The following RALYL variants were observed in gnomAD, a reference collection of about 807,000 sequenced individuals.
RALYL encodes RALY RNA binding protein like, also known as RNA-binding Raly-like protein.
RALYL carries 29 observed loss-of-function variants against 35.1 expected under a neutral mutation model. The observed-to-expected ratio is 0.83, with a 90% confidence interval of 0.61 to 1.13. The LOEUF (loss-of-function observed/expected upper bound fraction) is 1.13, where lower values mean the gene tolerates loss of function less well. Ranked by LOEUF, RALYL falls within the 50% of genes most tolerant of loss-of-function variation. The pLI is 0.00. For synonymous variants in RALYL, 120 were observed against 127.6 expected, an observed-to-expected ratio of 0.94 and a Z score of 0.40; for missense variants, 359 against 360.4, an observed-to-expected ratio of 1.00 and a Z score of 0.03.
intron 2 of RALYL, among the ~76,000 whole-genome samples, chr8:84,555,148 A>T (rs568358812): frequency 6.6e-6 from 1 of 152,014 alleles, no homozygotes; most frequent in Non-Finnish European, 1.5e-5. Flanking sequence ...GCGTGGTGGC[A>T]CACGCCTGTA....
At chr8:84,850,420 G>T in intron 5 of RALYL, among the ~76,000 whole-genome samples, 1 of 152,192 alleles carries the variant, frequency 6.6e-6, no homozygotes, top group East Asian at 1.9e-4. Context: ...ATGCTATATT[G>T]GGTAGAGTCT....
intron 2 of RALYL, among the ~76,000 whole-genome samples, chr8:84,655,536 C>G (rs1033627703): frequency 6.6e-6 from 1 of 152,056 alleles, no homozygotes; most frequent in Non-Finnish European, 1.5e-5. Flanking sequence ...GCCATGTTGG[C>G]CAGGCTGGTC....
chr8:84,753,551 G>A (rs1810591299), intron 2 of RALYL, among the ~76,000 whole-genome samples: 1 of 152,130 alleles, frequency 6.6e-6, no homozygotes, highest in Non-Finnish European at 1.5e-5. Flanking sequence ...TTAGAGATGG[G>A]GCCTGGTGGG....
chr8:84,547,498 G>T (rs904254299), intron 2 of RALYL, among the ~76,000 whole-genome samples: 2 of 151,820 alleles, frequency 1.3e-5, no homozygotes, highest in African/African-American at 2.4e-5. Context: ...TCCTACCTCA[G>T]CCTCCCGAGG....
chr8:84,836,782 C>T (rs113034583), intron 4 of RALYL, among the ~76,000 whole-genome samples: 162 of 152,314 alleles, frequency 1.1e-3, no homozygotes, highest in African/African-American at 3.5e-3. Context: ...ACCTTATCCA[C>T]GGGGAAGTAT....
At chr8:84,536,154 T>G (rs2059591662) in intron 2 of RALYL, among the ~76,000 whole-genome samples, 1 of 152,156 alleles carries the variant, frequency 6.6e-6, no homozygotes, top group Non-Finnish European at 1.5e-5. Flanking sequence ...TTCACATCTT[T>G]AATACACTGA....
At chr8:84,512,726 A>G (rs142820628) in intron 1 of RALYL, among the ~76,000 whole-genome samples, 30 of 152,270 alleles carry the variant, frequency 2.0e-4, no homozygotes, top group African/African-American at 7.2e-4. Context: ...AGACGGGTCT[A>G]GTTTCATACT....
chr8:84,874,913 G>A (rs1227327705), intron 7 of RALYL, among the ~76,000 whole-genome samples: 2 of 152,064 alleles, frequency 1.3e-5, no homozygotes, highest in African/African-American at 2.4e-5. Flanking sequence ...CATTTCCTCC[G>A]ACTTTCATAC....
chr8:84,710,861 A>G (rs1842062368), intron 2 of RALYL, among the ~76,000 whole-genome samples: 1 of 152,182 alleles, frequency 6.6e-6, no homozygotes, highest in African/African-American at 2.4e-5. Context: ...TATAGCAATG[A>G]GCAAAACAAC....
intron 1 of RALYL, among the ~76,000 whole-genome samples, chr8:84,260,484 C>CAG (rs1490030099): frequency 2.6e-5 from 4 of 152,162 alleles, no homozygotes; most frequent in African/African-American, 7.2e-5. Flanking sequence ...GCCAAGTTCT[C>CAG]AGAGAGAGAA....
At chr8:84,842,183 G>GT (rs1554617441) in intron 4 of RALYL, among the ~76,000 whole-genome samples, 2 of 151,998 alleles carry the variant, frequency 1.3e-5, no homozygotes, top group Non-Finnish European at 2.9e-5. Context: ...CCAGGAGCTG[G>GT]TTTTTTGAAA....
chr8:84,775,131 T>C (rs1417342752), intron 3 of RALYL, among the ~76,000 whole-genome samples: 1 of 151,838 alleles, frequency 6.6e-6, no homozygotes, highest in Non-Finnish European at 1.5e-5. Flanking sequence ...ATTATTATTA[T>C]TTTTAGTAGA....
intron 1 of RALYL, among the ~76,000 whole-genome samples, chr8:84,234,095 A>G (rs906243895): frequency 2.6e-5 from 4 of 152,188 alleles, no homozygotes; most frequent in African/African-American, 9.7e-5. Context: ...AATGAAGTAT[A>G]AACATAAATA....
intron 1 of RALYL, among the ~76,000 whole-genome samples, chr8:84,395,478 G>A (rs923387405): frequency 8.6e-5 from 13 of 151,864 alleles, no homozygotes; most frequent in African/African-American, 3.1e-4. Flanking sequence ...TGTAAAGAGT[G>A]CTGATTTGAT....
chr8:84,210,718 T>TA (rs1195666048), intron 1 of RALYL, among the ~76,000 whole-genome samples: 1 of 152,164 alleles, frequency 6.6e-6, no homozygotes, highest in African/African-American at 2.4e-5. Context: ...GAACATTTTT[T>TA]ATTATATTTT....
chr8:84,897,742 A>G (rs2135526406), intron 8 of RALYL, among the ~76,000 whole-genome samples: 1 of 152,316 alleles, frequency 6.6e-6, no homozygotes, highest in Non-Finnish European at 1.5e-5. Flanking sequence ...ATAACAACCG[A>G]AAGAATTTTT....
chr8:84,392,994 A>C (rs906463641), intron 1 of RALYL, among the ~76,000 whole-genome samples: 1 of 152,118 alleles, frequency 6.6e-6, no homozygotes, highest in Admixed American at 6.6e-5. Flanking sequence ...TGTGAGGTAC[A>C]GAAAGCCAAA....
intron 1 of RALYL, among the ~76,000 whole-genome samples, chr8:84,487,547 G>T (rs975897843): frequency 6.6e-6 from 1 of 151,958 alleles, no homozygotes; most frequent in Non-Finnish European, 1.5e-5. Flanking sequence ...TATATGATAG[G>T]GGTCAAGAAA....
At chr8:84,699,231 C>G (rs557061278) in intron 2 of RALYL, among the ~76,000 whole-genome samples, 1 of 152,024 alleles carries the variant, frequency 6.6e-6, no homozygotes. Context: ...TCAGTACTAT[C>G]CCTTCATCTC....
Sources: allele counts gnomAD v4.1 joint callset (sites outside exome capture counted in the v4.1 genomes callset), GRCh38; gene constraint gnomAD v4.1.1; transcripts MANE v1.5; gene names NCBI Gene and HGNC (gene_info 2026-07-23, HGNC 2026-07-21).